Variants in DAB1 observed in about 807,000 individuals in gnomAD.
DAB1 encodes the protein disabled homolog 1.
In DAB1, 15 loss-of-function variants were observed where a neutral mutation model predicts 64.6. The observed-to-expected ratio is 0.23, with a 90% CI of 0.16 to 0.36. The LOEUF (loss-of-function observed/expected upper bound fraction) is 0.36, where lower values mean the gene tolerates loss of function less well. DAB1 is among the 10% of genes least tolerant of loss of function. The pLI is 1.00. For missense variants in DAB1, 596 were observed against 706.7 expected (o/e 0.84, Z 1.78); for synonymous variants, 235 against 251.9 (o/e 0.93, Z 0.64).
At chr1:58,132,065 C>T (rs1488042520) in intron 5 of DAB1, among the ~76,000 whole-genome samples, 8 of 152,248 alleles carry the variant, frequency 5.3e-5, no homozygotes, top group Non-Finnish European at 8.8e-5. Flanking sequence ...GCCTCAATGC[C>T]GCCTTGCAGT....
intron 7 of DAB1, among the ~76,000 whole-genome samples, chr1:57,482,847 A>C (rs1158706760): frequency 6.6e-6 from 1 of 152,316 alleles, no homozygotes; most frequent in Non-Finnish European, 1.5e-5. Context: ...TAGAGAGGTT[A>C]ATAACTTGCT....
chr1:57,337,074 A>G (rs1165120427), intron 1 of DAB1, among the ~76,000 whole-genome samples: 1 of 152,152 alleles, frequency 6.6e-6, no homozygotes. Context: ...GCACCTAAGC[A>G]TTTGAATATC....
At chr1:57,481,348 C>A (rs922347118) in intron 7 of DAB1, among the ~76,000 whole-genome samples, 1 of 152,140 alleles carries the variant, frequency 6.6e-6, no homozygotes, top group Non-Finnish European at 1.5e-5. Flanking sequence ...CACCCTCGCC[C>A]CCAACACCTC....
intron 3 of DAB1, chr1:58,469,102 C>T (rs1335544602): frequency 1.1e-5 from 2 of 180,150 alleles, no homozygotes; most frequent in Non-Finnish European, 2.1e-5. Flanking sequence ...CATTGCTGGC[C>T]AGCAGTCACA....
rs568917490 is a variant in DAB1 at position 58,123,697 on chromosome 1, C to T, written n.387+26814G>A. Among the ~76,000 whole-genome samples the T allele has an allele frequency of 3.3e-5, 5 of 152,292 alleles. No individual in the cohort carries two copies. In the East Asian group the frequency reaches 9.7e-4, roughly 29 times the overall value. On this transcript the variant is annotated intron_variant and non_coding_transcript_variant, in intron 5 of 20. Coordinates refer to the DAB1 transcript ENST00000485760. The stretch of plus-strand genomic sequence containing the variant: ...TGTCCGATCTCCAGGCCTTTAGTAT[C>T]TCTGATCCCCAAATTTCCCATCTGG...
intron 5 of DAB1, among the ~76,000 whole-genome samples, chr1:57,925,918 C>T (rs1277888941): frequency 6.6e-6 from 1 of 152,160 alleles, no homozygotes; most frequent in South Asian, 2.1e-4. Flanking sequence ...TTCTCTTGGG[C>T]CTACCCTGAC....
intron 4 of DAB1, among the ~76,000 whole-genome samples, chr1:58,180,339 C>G (rs1656723437): frequency 8.5e-6 from 1 of 117,502 alleles, no homozygotes; most frequent in African/African-American, 3.4e-5. Flanking sequence ...GTTGCCCAGA[C>G]TGGAGTGCAG....
intron 5 of DAB1, among the ~76,000 whole-genome samples, chr1:58,141,168 C>A (rs573000712): frequency 2.0e-5 from 3 of 152,206 alleles, no homozygotes; most frequent in African/African-American, 7.2e-5. Flanking sequence ...AGTCTGCTCT[C>A]ACGCCGCTAA....
rs371527218 is a variant in DAB1, at chr1:58,469,800, G to C, written n.257+36260C>G. ...CCATTTCTTCTATTTTCCTGGGTAA[G>C]AGCTCAATTTATTTCAAAATAGATG... On this transcript the variant is annotated intron_variant and non_coding_transcript_variant, in intron 3 of 20. Coordinates refer to the DAB1 transcript ENST00000485760. 1.8e-3 allele frequency among the ~76,000 whole-genome samples: 279 copies of C among 152,318 alleles called. 3 individuals are homozygous for C. The South Asian group carries it at 0.053, about 29-fold the overall frequency.
At chr1:57,753,942 G>T (rs1328087684) in intron 6 of DAB1, among the ~76,000 whole-genome samples, 1 of 152,124 alleles carries the variant, frequency 6.6e-6, no homozygotes, top group African/African-American at 2.4e-5. Flanking sequence ...TTTCAGAATC[G>T]CAGAGATACA....
At chr1:57,464,752 C>T (rs190209809) in intron 7 of DAB1, among the ~76,000 whole-genome samples, 2 of 152,256 alleles carry the variant, frequency 1.3e-5, no homozygotes, top group Middle Eastern at 3.4e-3. Flanking sequence ...GGGAAAAAGA[C>T]AGTCGATTGG....
intron 1 of DAB1, chr1:57,867,569 T>C (rs527429176): frequency 6.6e-6 from 1 of 152,238 alleles, no homozygotes; most frequent in African/African-American, 2.4e-5. Context: ...TAGATCTGGG[T>C]AGGAAAACAA....
intron 7 of DAB1, among the ~76,000 whole-genome samples, chr1:57,543,827 G>A (rs1005622673): frequency 6.6e-6 from 1 of 152,198 alleles, no homozygotes; most frequent in South Asian, 2.1e-4. Context: ...ATATAGCCAG[G>A]TGTGGTGGCA....
chr1:58,457,240 C>G (rs1381904405), intron 3 of DAB1, among the ~76,000 whole-genome samples: 3 of 152,182 alleles, frequency 2.0e-5, no homozygotes, highest in Non-Finnish European at 4.4e-5. Context: ...TTCATTCTTC[C>G]CAGCCAGGCT....
intron 2 of DAB1, among the ~76,000 whole-genome samples, chr1:58,519,723 G>C (rs552852691): frequency 6.6e-6 from 1 of 151,968 alleles, no homozygotes; most frequent in South Asian, 2.1e-4. Flanking sequence ...ACAGAGATTA[G>C]AGTTAAGAAA....
At chr1:57,758,181 T>C (rs780883380) in intron 6 of DAB1, among the ~76,000 whole-genome samples, 1 of 152,200 alleles carries the variant, frequency 6.6e-6, no homozygotes, top group African/African-American at 2.4e-5. Flanking sequence ...CAAATCATTA[T>C]AGTTAAGAAC....
intron 1 of DAB1, among the ~76,000 whole-genome samples, chr1:57,420,512 T>C (rs1461115145): frequency 6.6e-6 from 1 of 152,236 alleles, no homozygotes; most frequent in Non-Finnish European, 1.5e-5. Flanking sequence ...TAGTACTCCA[T>C]AAAGGTTAAT....
chr1:58,151,008 C>A (rs1225914016), intron 4 of DAB1, among the ~76,000 whole-genome samples: 4 of 152,182 alleles, frequency 2.6e-5, no homozygotes, highest in African/African-American at 7.2e-5. Context: ...CATGTCCCTA[C>A]AAAGGACATG....
At chr1:58,106,430 T>C (rs1193593066) in intron 5 of DAB1, among the ~76,000 whole-genome samples, 3 of 152,198 alleles carry the variant, frequency 2.0e-5, no homozygotes, top group South Asian at 4.1e-4. Context: ...GGGATCCTCC[T>C]ACCTCAGCCT....
Sources: allele counts gnomAD v4.1 joint callset (sites outside exome capture counted in the v4.1 genomes callset), GRCh38; gene constraint gnomAD v4.1.1; transcripts MANE v1.5; gene names NCBI Gene and HGNC (gene_info 2026-07-23, HGNC 2026-07-21).